The following TRIM38 variants were observed in gnomAD, a reference collection of about 807,000 sequenced individuals.
TRIM38 encodes the protein tripartite motif containing 38, also known as E3 ubiquitin-protein ligase TRIM38.
In TRIM38, 35 loss-of-function variants were observed where a neutral mutation model predicts 35.8. That is an observed-to-expected ratio of 0.98 (90% CI 0.75 to 1.30). TRIM38 has a LOEUF of 1.30. Among genes scored for constraint, TRIM38 ranks in the 50% most tolerant of loss-of-function variants. The pLI is 0.00. For missense variants in TRIM38, 545 were observed against 556.9 expected (o/e 0.98, Z 0.21); for synonymous variants, 198 against 204.7 (o/e 0.97, Z 0.28).
chr6:25,975,075 C>T (rs565424199), intron 7 of TRIM38: 19 of 939,510 alleles, frequency 2.0e-5, no homozygotes, highest in Non-Finnish European at 2.4e-5. Context: ...CTCTGTCGCC[C>T]AGGCTGGAGT....
chr6:25,972,687 A>G (rs545791929), intron 5 of TRIM38, among the ~76,000 whole-genome samples: 1 of 152,270 alleles, frequency 6.6e-6, no homozygotes, highest in Admixed American at 6.5e-5. Context: ...CCTTTATGAT[A>G]AGTGTTCTCT....
intron 7 of TRIM38, chr6:25,975,236 G>C (rs1760357513): frequency 1.6e-6 from 1 of 629,282 alleles, no homozygotes; most frequent in Non-Finnish European, 2.0e-6. Flanking sequence ...TTTTGAGATG[G>C]AGTCTCGCTG....
intron 4 of TRIM38, 95 bp downstream of exon 4, chr6:25,969,515 C>A: frequency 9.9e-7 from 1 of 1,006,086 alleles, no homozygotes; most frequent in Non-Finnish European, 1.4e-6. Flanking sequence ...GATTTATTCT[C>A]ACTAAACCAG....
chr6:25,976,644 T>C (rs1760402031), intron 7 of TRIM38, among the ~76,000 whole-genome samples: 1 of 152,198 alleles, frequency 6.6e-6, no homozygotes, highest in South Asian at 2.1e-4. Context: ...TTGTTGTTGT[T>C]GCTGTTGCAG....
At chr6:25,973,137 A>G (rs768398838) in intron 6 of TRIM38, 36 bp from the exon 7 acceptor site, 4 of 1,614,088 alleles carry the variant, frequency 2.5e-6, no homozygotes, top group Non-Finnish European at 3.4e-6. Flanking sequence ...AATGGAATGC[A>G]CCTCTGAAGA....
Position 25,972,084 on chromosome 6 carries a change from C to T in TRIM38, c.723C>T (p.Ala241=), listed in dbSNP as rs1760254044. ...TGGAGGAAAAATGTCAGGGCTCAGC[C>T]CAGAAATTGCTGCAGGTGAGGCTGT... is the stretch of plus-strand genomic sequence containing the variant. ...LELEEKCQGS[A]QKLLQNVNDT... The change falls in exon 5 of 8, where the codon GCC becomes GCT. Residue 241 remains alanine (A), a synonymous_variant. Transcript: ENST00000357085. 9 of 1,613,870 alleles carry T rather than the reference C, an allele frequency of 5.6e-6. No individual in the cohort carries two copies. The highest frequency in any genetic ancestry group is 7.6e-6 in the Non-Finnish European group (9 of 1,179,980).
At chr6:25,979,560 C>T (rs1760488314) in intron 7 of TRIM38, among the ~76,000 whole-genome samples, 2 of 151,762 alleles carry the variant, frequency 1.3e-5, no homozygotes, top group Admixed American at 1.3e-4. Context: ...TGTATTCATT[C>T]CATTTGTGCC....
chr6:25,981,786 G>T (rs1178894545), intron 7 of TRIM38, among the ~76,000 whole-genome samples: 1 of 152,168 alleles, frequency 6.6e-6, no homozygotes, highest in East Asian at 1.9e-4. Flanking sequence ...CTCAATGTTG[G>T]TGGTTATTCA....
At chr6:25,978,766 A>C (rs1004506414) in intron 7 of TRIM38, among the ~76,000 whole-genome samples, 18 of 152,124 alleles carry the variant, frequency 1.2e-4, no homozygotes, top group Non-Finnish European at 4.4e-5. Context: ...TCCCAGGCTC[A>C]AGTGATCCTC....
chr6:25,983,152 T>C lies in TRIM38; in HGVS notation c.875-12T>C. On this transcript the variant is annotated splice_polypyrimidine_tract_variant and intron_variant, in intron 7 of 7. Transcript: ENST00000357085. ...ACAAAATTATTTTTGTTTGTTTTGT[T>C]TTGTTTTGCAGTTAGTGTGACTCTG... 1.3e-6 allele frequency: 2 copies of C among 1,545,290 alleles called. No homozygotes were observed. Among genetic ancestry groups the C allele is most frequent in the Non-Finnish European group, 1.7e-6 (2 of 1,147,932 alleles).
At chr6:25,969,524 A>G (rs1162029046) in intron 4 of TRIM38, 104 bp downstream of exon 4, 4 of 937,378 alleles carry the variant, frequency 4.3e-6, no homozygotes, top group Admixed American at 3.4e-5. Context: ...TCACTAAACC[A>G]GATTGAAAAA....
intron 7 of TRIM38, among the ~76,000 whole-genome samples, chr6:25,978,673 T>A (rs899807389): frequency 3.3e-5 from 5 of 151,966 alleles, no homozygotes; most frequent in Non-Finnish European, 5.9e-5. Flanking sequence ...GCTAATTTTT[T>A]AATTTTTTTT....
chr6:25,973,828 A>T lies in TRIM38; in HGVS notation c.874+543A>T, dbSNP rs529325196. 1.3e-5 allele frequency: 13 copies of T among 985,446 alleles called. No individual in the cohort carries two copies. In the South Asian group the frequency reaches 5.6e-4, roughly 43 times the overall value. 61.0% of individuals were successfully genotyped at this position (985,446 alleles called of 1,614,324 possible). ...TGTTACAACCAATTTACAGATTCCAAAATGTTAGAACCATTTACTGAGTTT... is the reference window on the plus strand; with the variant it reads ...TGTTACAACCAATTTACAGATTCCATAATGTTAGAACCATTTACTGAGTTT... On this transcript the variant is annotated intron_variant, in intron 7 of 7. Coordinates refer to ENST00000357085, the MANE Select transcript of TRIM38 (RefSeq NM_006355.5).
chr6:25,974,898 T>A (rs1446764422), intron 7 of TRIM38: 1 of 985,384 alleles, frequency 1.0e-6, no homozygotes, highest in Non-Finnish European at 1.2e-6. Context: ...TTTCATCCTA[T>A]ACAGATGACA....
chr6:25,965,636 G>A (rs1760001359), intron 2 of TRIM38, among the ~76,000 whole-genome samples: 1 of 152,022 alleles, frequency 6.6e-6, no homozygotes. Flanking sequence ...TATAAGAAAA[G>A]AAAAAGAGGC....
chr6:25,990,769 C>T lies in TRIM38; in HGVS notation c.*7082C>T, dbSNP rs1373935819. The T allele has an allele frequency of 2.6e-5, 4 of 151,398 alleles. No homozygotes were observed. Among genetic ancestry groups the T allele is most frequent in the Admixed American group, 1.3e-4 (2 of 15,230 alleles). The allele number at this position is 151,398 out of a possible 1,614,324, so 9.4% of individuals were successfully genotyped here. Reference sequence around the variant, plus strand: ...TTACTAATTATAATTCACAGTTATCCTTGTAACTCCTAATGTCTATATAAA... The same window carrying T: ...TTACTAATTATAATTCACAGTTATCTTTGTAACTCCTAATGTCTATATAAA... On this transcript the variant is annotated 3_prime_UTR_variant, in exon 8 of 8. Coordinates refer to ENST00000357085, the MANE Select transcript of TRIM38 (RefSeq NM_006355.5).
At chr6:25,975,355 C>T (rs138999270) in intron 7 of TRIM38, 3 of 174,768 alleles carry the variant, frequency 1.7e-5, no homozygotes, top group Non-Finnish European at 3.4e-5. Flanking sequence ...GTACGCACCA[C>T]TATGCCTGGC....
chr6:25,965,231 TA>T (rs1759986761), intron 2 of TRIM38, among the ~76,000 whole-genome samples: 1 of 152,218 alleles, frequency 6.6e-6, no homozygotes, highest in East Asian at 1.9e-4. Context: ...TGGTCCAAGG[TA>T]ACTTTCTGTG....
rs773552995 is a variant in TRIM38 at position 25,972,029 on chromosome 6, G to A, written c.668G>A (p.Ser223Asn). 1 of 1,614,176 alleles carries A rather than the reference G, an allele frequency of 6.2e-7. No individual in the cohort carries two copies. Among genetic ancestry groups the A allele is most frequent in the Non-Finnish European group, 8.5e-7 (1 of 1,180,030 alleles). Residue 223 changes from serine (S) to asparagine (N), a missense_variant, in exon 5 of 8, where the codon AGC becomes AAC. Coordinates refer to ENST00000357085, the MANE Select transcript of TRIM38 (RefSeq NM_006355.5). Reference protein sequence around the residue: ...RDYEAGLGLKSNELKSHILEL... With the variant: ...RDYEAGLGLKNNELKSHILEL... ...TATGAGGCTGGTCTGGGGCTGAAGA[G>A]CAATGAACTCAAGAGCCACATCCTG...
Sources: gnomAD v4.1 joint callset for allele counts (sites outside exome capture counted in the v4.1 genomes callset) on GRCh38, gnomAD v4.1.1 for gene constraint, MANE v1.5 for transcripts, NCBI Gene and HGNC (gene_info 2026-07-23, HGNC 2026-07-21) for gene names.